XRN1: variants seen among roughly 807,000 people sequenced by gnomAD.
XRN1 encodes strand-exchange protein 1 homolog.
Under a neutral mutation model 222.3 loss-of-function variants are expected in XRN1, and 67 were observed. The ratio of observed to expected loss-of-function variants is 0.30; its 90% CI spans 0.25 to 0.37. The LOEUF is 0.37. Among genes scored for constraint, XRN1 ranks in the 10% least tolerant of loss-of-function variants. XRN1 has a pLI of 1.00. For missense variants in XRN1, 1,707 were observed against 2,000.2 expected, an observed-to-expected ratio of 0.85 and a Z score of 2.80; for synonymous variants, 643 against 652.4, an observed-to-expected ratio of 0.99 and a Z score of 0.22.
At chr3:142,429,699 T>C (rs2069438500) in intron 2 of XRN1, 1 of 152,262 alleles carries the variant, frequency 6.6e-6, no homozygotes, top group African/African-American at 2.4e-5. Context: ...GTTTACCTTC[T>C]GACACCAGGT....
intron 33 of XRN1, among the ~76,000 whole-genome samples, chr3:142,340,163 C>A (rs992718336): frequency 6.6e-6 from 1 of 152,064 alleles, no homozygotes; most frequent in African/African-American, 2.4e-5. Flanking sequence ...CGAGACCAGC[C>A]TGACCAACAT....
chr3:142,364,776 C>T (rs1007243513), intron 29 of XRN1, among the ~76,000 whole-genome samples: 4 of 152,046 alleles, frequency 2.6e-5, no homozygotes, highest in African/African-American at 9.7e-5. Flanking sequence ...CAAGATCTTG[C>T]ATAATTTTAA....
chr3:142,332,785 G>A, intron 35 of XRN1, 182 bp downstream of exon 35: 1 of 897,812 alleles, frequency 1.1e-6, no homozygotes, highest in Non-Finnish European at 1.6e-6. Context: ...GGGGAACTGT[G>A]GTCTAAAGAG....
intron 33 of XRN1, among the ~76,000 whole-genome samples, chr3:142,344,099 G>C (rs571653293): frequency 7.2e-5 from 11 of 152,006 alleles, no homozygotes; most frequent in African/African-American, 2.2e-4. Context: ...AGAGTAGTGG[G>C]GGGGAGGGGT....
At position 142,365,170 on chromosome 3, in the gene XRN1, G is replaced by C; in HGVS notation, c.3271C>G (p.Gln1091Glu). The C allele has an allele frequency of 6.2e-7, 1 of 1,610,248 alleles. No homozygotes were observed. The highest frequency in any genetic ancestry group is 2.2e-5 in the East Asian group (1 of 44,670). ...KPHLLYRPLE[Q>E]QHGVIPDRDA... ...CGATCAGGAATGACTCCATGTTGCT[G>C]TTCTAAAGGCTGAAGAGAAGAAAGC... is the stretch of plus-strand genomic sequence containing the variant. The change falls in exon 29 of 41, where the codon CAG becomes GAG. Residue 1091 changes from glutamine (Q) to glutamate (E), a missense_variant. Gln to Glu is a conservative substitution (Grantham distance 29, BLOSUM62 2). Around this residue, in one of 2 missense-constraint regions of XRN1, gnomAD observed 1,234 missense variants for 1,518.2 expected, o/e 0.81. Transcript: ENST00000392981.
chr3:142,418,322 A>T, intron 12 of XRN1, 182 bp downstream of exon 12: 1 of 473,930 alleles, frequency 2.1e-6, no homozygotes, highest in Non-Finnish European at 3.7e-6. Context: ...TTATCACAGG[A>T]ATATAATACA....
intron 37 of XRN1, among the ~76,000 whole-genome samples, chr3:142,319,645 C>A (rs909377127): frequency 6.6e-6 from 1 of 152,124 alleles, no homozygotes. Context: ...CCCAGTAGGT[C>A]ATTTCTCATC....
chr3:142,394,502 T>C (rs1021417946), intron 20 of XRN1, among the ~76,000 whole-genome samples: 3 of 152,228 alleles, frequency 2.0e-5, no homozygotes, highest in Non-Finnish European at 2.9e-5. Flanking sequence ...CTTCAACTTA[T>C]GACCAACCTT....
intron 22 of XRN1, among the ~76,000 whole-genome samples, chr3:142,381,617 G>C (rs2067307933): frequency 6.8e-6 from 1 of 146,874 alleles, no homozygotes; most frequent in Admixed American, 6.8e-5. Context: ...ATCAAGGCTG[G>C]AGTGCAGTGG....
At chr3:142,346,145 T>C (rs1293003984) in intron 33 of XRN1, among the ~76,000 whole-genome samples, 6 of 152,148 alleles carry the variant, frequency 3.9e-5, no homozygotes, top group Non-Finnish European at 8.8e-5. Context: ...TGTCTACAAA[T>C]GGATGAACCG....
chr3:142,316,184 TTTG>T (rs2065206389), intron 39 of XRN1, among the ~76,000 whole-genome samples: 1 of 151,960 alleles, frequency 6.6e-6, no homozygotes, highest in African/African-American at 2.4e-5. Context: ...TGTAAAACCT[TTTG>T]TTTTTACTTG....
chr3:142,384,210 T>C (rs993276793), intron 21 of XRN1, among the ~76,000 whole-genome samples: 2 of 146,796 alleles, frequency 1.4e-5, no homozygotes, highest in Non-Finnish European at 3.0e-5. Flanking sequence ...AGGCGGAGCC[T>C]GCAGTGAGCC....
intron 20 of XRN1, among the ~76,000 whole-genome samples, chr3:142,393,537 T>C (rs1347931549): frequency 6.6e-6 from 1 of 151,444 alleles, no homozygotes; most frequent in African/African-American, 2.4e-5. Flanking sequence ...TTCAGCTTTC[T>C]ACATATGGCT....
chr3:142,395,411 C>G (rs1426601105), intron 20 of XRN1, among the ~76,000 whole-genome samples: 2 of 152,198 alleles, frequency 1.3e-5, no homozygotes, highest in Non-Finnish European at 2.9e-5. Flanking sequence ...AGAAACTATT[C>G]TCGAGTGAAC....
intron 36 of XRN1, among the ~76,000 whole-genome samples, chr3:142,330,022 TA>T (rs200488369): frequency 0.013 from 1,958 of 152,344 alleles, 21 homozygotes; most frequent in Non-Finnish European, 0.02. Flanking sequence ...TGGATGAGTA[TA>T]ATTGATTAAT....
In XRN1 at chr3:142,357,920, C is replaced by T. The variant is rs879747355; in HGVS notation, c.3465-801G>A. On this transcript the variant is annotated intron_variant, in intron 30 of 40. Transcript: ENST00000392981. ...AGACATGGTGGCACACACCTGTAAT[C>T]CCAGCTACCCGGGAGGCTGAGGCAG... Among the ~76,000 whole-genome samples, 18 of 152,092 alleles carry T rather than the reference C, an allele frequency of 1.2e-4. 1 individual carries two copies. The highest frequency in any genetic ancestry group is 1.3e-4 in the Admixed American group (2 of 15,278).
At chr3:142,431,035 A>G (rs2069498691) in intron 2 of XRN1, among the ~76,000 whole-genome samples, 1 of 152,216 alleles carries the variant, frequency 6.6e-6, no homozygotes, top group South Asian at 2.1e-4. Context: ...TGCTCAGTCA[A>G]AAATCAGCAT....
intron 23 of XRN1, among the ~76,000 whole-genome samples, chr3:142,379,387 A>C (rs1258222680): frequency 3.3e-5 from 5 of 152,234 alleles, no homozygotes; most frequent in Non-Finnish European, 7.3e-5. Flanking sequence ...GAATAAAGAC[A>C]TCTCCAGACA....
At chr3:142,329,397 A>T in intron 37 of XRN1, 37 bp downstream of exon 37, 1 of 1,316,132 alleles carries the variant, frequency 7.6e-7, no homozygotes, top group Non-Finnish European at 9.9e-7. Context: ...GCTTAATGTT[A>T]AATAATTTAT....
Sources: allele counts gnomAD v4.1 joint callset (sites outside exome capture counted in the v4.1 genomes callset), GRCh38; gene constraint gnomAD v4.1.1; regional missense constraint gnomAD v4.1.1; transcripts MANE v1.5; gene names NCBI Gene and HGNC (gene_info 2026-07-23, HGNC 2026-07-21).